LY6G5B: variants seen among roughly 807,000 people sequenced by gnomAD.
LY6G5B encodes lymphocyte antigen 6 complex locus protein G5b.
In LY6G5B, 6 loss-of-function variants were observed where a neutral mutation model predicts 6.7. That is an observed-to-expected ratio of 0.89 (90% CI 0.49 to 1.76). The LOEUF (loss-of-function observed/expected upper bound fraction) is 1.76, where lower values mean the gene tolerates loss of function less well. Among genes scored for constraint, LY6G5B ranks in the 40% most tolerant of loss-of-function variants. LY6G5B has a pLI of 0.01. For synonymous variants in LY6G5B, 98 were observed against 99.4 expected, an observed-to-expected ratio of 0.99 and a Z score of 0.09; for missense variants, 240 against 249.5, an observed-to-expected ratio of 0.96 and a Z score of 0.26.
exon 3 of LY6G5B, chr6:31,672,290 A>C: frequency 6.2e-7 from 1 of 1,608,298 alleles, no homozygotes; most frequent in East Asian, 2.2e-5. Flanking sequence ...TGAATTCCAC[A>C]GTGCAAATAT....
rs769067250 is a variant in LY6G5B, at chr6:31,671,922, A to AG, written c.247dup (p.Glu83GlyfsTer39). Reference sequence around the variant, plus strand: ...GACAGTACATTTCCTACCGCTGCCAAGAAAAACGCAACACCTACTTTGCAG... The same window carrying AG: ...GACAGTACATTTCCTACCGCTGCCAAGGAAAAACGCAACACCTACTTTGCAG... On this transcript the variant is annotated frameshift_variant, in exon 3 of 3. Transcript: ENST00000375864. LOFTEE classifies it low-confidence loss of function (END_TRUNC). 6.2e-7 allele frequency: 1 copy of AG among 1,613,080 alleles called. No individual in the cohort carries two copies. Among genetic ancestry groups the AG allele is most frequent in the Non-Finnish European group, 8.5e-7 (1 of 1,180,026 alleles).
chr6:31,671,542 C>T (rs187873191), intron 2 of LY6G5B, among the ~76,000 whole-genome samples: 1 of 152,192 alleles, frequency 6.6e-6, no homozygotes, highest in Admixed American at 6.5e-5. Context: ...GTGGTATGCA[C>T]CTGTAGTCCC....
chr6:31,672,268 C>T, exon 3 of LY6G5B: 1 of 1,612,072 alleles, frequency 6.2e-7, no homozygotes, highest in Non-Finnish European at 8.5e-7. Flanking sequence ...ACTCTTGACA[C>T]CTCACCCTTC....
upstream of LY6G5B, chr6:31,670,088 T>A: frequency 1.5e-6 from 1 of 664,546 alleles, no homozygotes; most frequent in Non-Finnish European, 2.5e-6. Flanking sequence ...TGCTGGTGCT[T>A]GCTGTTGGGG....
chr6:31,672,395 C>T, exon 3 of LY6G5B: 1 of 1,128,744 alleles, frequency 8.9e-7, no homozygotes, highest in Non-Finnish European at 1.3e-6. Context: ...TCTGTTGTAC[C>T]ACTAGCATCT....
At chr6:31,672,110 C>A (rs773665136) in exon 3 of LY6G5B, 1 of 1,613,098 alleles carries the variant, frequency 6.2e-7, no homozygotes, top group South Asian at 1.1e-5. Context: ...CTCTCCCTGC[C>A]CCTCCCCAAT....
exon 3 of LY6G5B, chr6:31,672,182 G>C: frequency 6.2e-7 from 1 of 1,613,132 alleles, no homozygotes; most frequent in Non-Finnish European, 8.5e-7. Flanking sequence ...CTGAACCTGG[G>C]CTTGTCTTTT....
exon 3 of LY6G5B, chr6:31,672,805 G>C (rs1802329640): frequency 6.4e-6 from 1 of 157,092 alleles, no homozygotes; most frequent in Non-Finnish European, 1.4e-5. Flanking sequence ...GCCCAGACAG[G>C]CTGACCTGAG....
chr6:31,671,062 G>T (rs1034948785), intron 1 of LY6G5B, 54 bp downstream of exon 1: 9 of 1,609,844 alleles, frequency 5.6e-6, no homozygotes, highest in African/African-American at 1.3e-5. Context: ...GTCCAGGAAG[G>T]GGGTGGAGCG....
exon 1 of LY6G5B, chr6:31,670,933 T>G: frequency 1.3e-6 from 2 of 1,589,842 alleles, no homozygotes; most frequent in South Asian, 2.3e-5. Flanking sequence ...GAACTGCCCA[T>G]CTCCCCAGAA....
At chr6:31,670,898 G>C in exon 1 of LY6G5B, 1 of 1,540,190 alleles carries the variant, frequency 6.5e-7, no homozygotes, top group Non-Finnish European at 8.8e-7. Context: ...TCACAGGAAG[G>C]TGGGGTTTCA....
chr6:31,671,056 A>C, intron 1 of LY6G5B, 48 bp downstream of exon 1: 2 of 1,609,614 alleles, frequency 1.2e-6, no homozygotes, highest in Non-Finnish European at 1.7e-6. Context: ...AACTGAGTCC[A>C]GGAAGGGGGT....
At chr6:31,670,219 G>C (rs1166307591) in exon 1 of LY6G5B, 1 of 436,962 alleles carries the variant, frequency 2.3e-6, no homozygotes, top group Non-Finnish European at 4.0e-6. Flanking sequence ...GTATGGAGCA[G>C]AACAGAATTC....
intron 2 of LY6G5B, 127 bp downstream of exon 2, chr6:31,671,411 C>T: frequency 2.9e-6 from 4 of 1,381,478 alleles, no homozygotes; most frequent in South Asian, 1.3e-5. Context: ...TGCAATGGCT[C>T]ATGCCTGTAA....
exon 3 of LY6G5B, chr6:31,672,551 TC>T: frequency 2.1e-6 from 1 of 487,132 alleles, no homozygotes; most frequent in Non-Finnish European, 3.6e-6. Context: ...TTCCAGCGAT[TC>T]TCCTGCCTCA....
chr6:31,671,595 A>G (rs1802220928), intron 2 of LY6G5B, among the ~76,000 whole-genome samples: 1 of 152,036 alleles, frequency 6.6e-6, no homozygotes, highest in Admixed American at 6.6e-5. Flanking sequence ...TAAACTCAGG[A>G]GGCATAGGTT....
At chr6:31,672,048 G>A (rs1291929142) in exon 3 of LY6G5B, 1 of 1,613,020 alleles carries the variant, frequency 6.2e-7, no homozygotes, top group Non-Finnish European at 8.5e-7. Flanking sequence ...ACAGGCCCCT[G>A]GCCCTGCCTC....
chr6:31,670,853 A>T, exon 1 of LY6G5B: 1 of 1,374,652 alleles, frequency 7.3e-7, no homozygotes, highest in Non-Finnish European at 1.0e-6. Flanking sequence ...AGACCTTGTC[A>T]AAACCACCCT....
In LY6G5B at chr6:31,671,571, G is replaced by A. The variant is rs139969505; in HGVS notation, c.187+287G>A. The stretch of plus-strand genomic sequence containing the variant: ...TAGTCCCAGCTACTCGGGAGGCTGA[G>A]GTGGGAGATCTCTTAAACTCAGGAG... On this transcript the variant is annotated intron_variant, in intron 2 of 2. Coordinates refer to ENST00000375864, the Ensembl canonical transcript of LY6G5B. 4.6e-3 allele frequency among the ~76,000 whole-genome samples: 697 copies of A among 152,264 alleles called. 3 individuals are homozygous for A. Among genetic ancestry groups the A allele is most frequent in the Middle Eastern group, 0.02 (6 of 294 alleles).
Sources: allele counts gnomAD v4.1 joint callset (sites outside exome capture counted in the v4.1 genomes callset), GRCh38; gene constraint gnomAD v4.1.1; transcripts MANE v1.5; gene names NCBI Gene and HGNC (gene_info 2026-07-23, HGNC 2026-07-21).